Variants in ALK observed in about 807,000 individuals in gnomAD.
ALK encodes ALK tyrosine kinase receptor.
Under a neutral mutation model 163.1 loss-of-function variants are expected in ALK, and 74 were observed. The observed-to-expected ratio is 0.45, with a 90% confidence interval of 0.38 to 0.55. ALK has a LOEUF of 0.55. Ranked by LOEUF, ALK falls within the 20% of genes least tolerant of loss-of-function variation. The pLI, the probability that ALK is intolerant of heterozygous loss-of-function variation, is 0.00. For missense variants in ALK, 2,063 were observed against 2,105.3 expected, an observed-to-expected ratio of 0.98 and a Z score of 0.39; for synonymous variants, 960 against 843.2, an observed-to-expected ratio of 1.14 and a Z score of -2.40.
chr2:29,663,161 G>A (rs948459091), intron 3 of ALK, among the ~76,000 whole-genome samples: 7 of 152,022 alleles, frequency 4.6e-5, no homozygotes, highest in Admixed American at 6.6e-5. Flanking sequence ...ACTAAACCAC[G>A]GGCCTAATTT....
chr2:29,532,604 C>T (rs544335223), intron 3 of ALK, among the ~76,000 whole-genome samples: 2 of 152,282 alleles, frequency 1.3e-5, no homozygotes, highest in Admixed American at 6.5e-5. Context: ...GTCATGTGAA[C>T]TTGCAACTGG....
intron 3 of ALK, 108 bp from the exon 4 acceptor site, chr2:29,532,224 G>A: frequency 9.8e-7 from 1 of 1,021,612 alleles, no homozygotes; most frequent in Non-Finnish European, 1.5e-6. Flanking sequence ...AGATACTGGA[G>A]GCCATTATCT....
chr2:29,804,711 C>T (rs1200855221), intron 1 of ALK, among the ~76,000 whole-genome samples: 1 of 152,180 alleles, frequency 6.6e-6, no homozygotes, highest in Admixed American at 6.5e-5. Flanking sequence ...AAAGTATGCC[C>T]ACCCTCTCTG....
chr2:29,685,225 C>T (rs1224439881), intron 3 of ALK, among the ~76,000 whole-genome samples: 2 of 152,114 alleles, frequency 1.3e-5, no homozygotes, highest in East Asian at 1.9e-4. Flanking sequence ...CCTCCAACCA[C>T]CCTAGACAGG....
chr2:29,257,162 G>A (rs1430182636), intron 11 of ALK, among the ~76,000 whole-genome samples: 2 of 151,984 alleles, frequency 1.3e-5, no homozygotes, highest in Non-Finnish European at 1.5e-5. Context: ...CTGGGATGGG[G>A]GGCAGAGGAG....
chr2:29,222,645 C>T (rs771655921), intron 20 of ALK, 38 bp from the exon 21 acceptor site: 2 of 1,592,358 alleles, frequency 1.3e-6, no homozygotes, highest in Non-Finnish European at 1.7e-6. Context: ...CAGAGTCAAA[C>T]AGGCCACAAT....
chr2:29,523,766 AGAGT>A (rs1672877053), intron 4 of ALK, among the ~76,000 whole-genome samples: 1 of 151,546 alleles, frequency 6.6e-6, no homozygotes, highest in African/African-American at 2.4e-5. Flanking sequence ...CATCCAGGGC[AGAGT>A]GAGAAAGCAA....
chr2:29,857,140 T>G lies in ALK; in HGVS notation c.667+62853A>C, dbSNP rs546862330. 1.1e-3 allele frequency among the ~76,000 whole-genome samples: 167 copies of G among 152,338 alleles called. 1 individual carries two copies. Among genetic ancestry groups the G allele is most frequent in the Middle Eastern group, 6.8e-3 (2 of 294 alleles). On this transcript the variant is annotated intron_variant, in intron 1 of 28. Coordinates refer to ENST00000389048, the MANE Select transcript of ALK (RefSeq NM_004304.5). ...TATAAATAACCTAGATCATGAAATGTGCAGTACACTTTCAGATTTGGCAGG... is the reference window on the plus strand; with the variant it reads ...TATAAATAACCTAGATCATGAAATGGGCAGTACACTTTCAGATTTGGCAGG...
intron 6 of ALK, among the ~76,000 whole-genome samples, chr2:29,326,374 T>C (rs919604485): frequency 2.0e-5 from 3 of 152,336 alleles, no homozygotes; most frequent in East Asian, 1.9e-4. Flanking sequence ...ATTTTCCCAA[T>C]TGTCAATCAG....
At chr2:29,571,583 A>C (rs1401436101) in intron 3 of ALK, among the ~76,000 whole-genome samples, 6 of 122,024 alleles carry the variant, frequency 4.9e-5, no homozygotes, top group African/African-American at 1.9e-4. Flanking sequence ...TTTATAAATT[A>C]CCTAGTCTTG....
In ALK at chr2:29,474,951, A is replaced by C. The variant is rs567616484; in HGVS notation, c.1154+56964T>G. 2.6e-5 allele frequency among the ~76,000 whole-genome samples: 4 copies of C among 152,332 alleles called. No homozygotes were observed. In the South Asian group the frequency reaches 8.3e-4, roughly 32 times the overall value. Reference sequence around the variant, plus strand: ...CCACACCTGCTGCTGGTCAGGGCCCAGGCACTGGTGTTCACTTTGAAGAGA... The same window carrying C: ...CCACACCTGCTGCTGGTCAGGGCCCCGGCACTGGTGTTCACTTTGAAGAGA... On this transcript the variant is annotated intron_variant, in intron 4 of 28. Transcript: ENST00000389048.
chr2:29,357,546 T>C (rs371232290), intron 5 of ALK, among the ~76,000 whole-genome samples: 3 of 152,336 alleles, frequency 2.0e-5, no homozygotes, highest in South Asian at 4.1e-4. Flanking sequence ...GATGCCTTTG[T>C]TATTTAGGGT....
At chr2:29,474,132 A>T (rs1322116331) in intron 4 of ALK, among the ~76,000 whole-genome samples, 1 of 152,252 alleles carries the variant, frequency 6.6e-6, no homozygotes, top group African/African-American at 2.4e-5. Flanking sequence ...AATTCACTGG[A>T]TATATTGTGG....
chr2:29,628,489 G>A (rs778804626), intron 3 of ALK, among the ~76,000 whole-genome samples: 10 of 152,142 alleles, frequency 6.6e-5, no homozygotes, highest in Non-Finnish European at 1.5e-4. Context: ...CGAGCTGGAG[G>A]GACCATATGG....
chr2:29,220,912 A>T (rs749932597), intron 22 of ALK, 77 bp from the exon 23 acceptor site: 15 of 1,592,122 alleles, frequency 9.4e-6, no homozygotes, highest in Non-Finnish European at 1.3e-5. Flanking sequence ...GGAACAGGAT[A>T]CAAAGTTACA....
intron 9 of ALK, among the ~76,000 whole-genome samples, chr2:29,288,610 A>G (rs1042452859): frequency 3.3e-5 from 5 of 152,110 alleles, no homozygotes; most frequent in African/African-American, 1.2e-4. Flanking sequence ...AAATTTTTTG[A>G]CCATGAAAGC....
chr2:29,412,590 T>C (rs912843038), intron 4 of ALK, among the ~76,000 whole-genome samples: 5 of 152,172 alleles, frequency 3.3e-5, no homozygotes, highest in Admixed American at 2.0e-4. Flanking sequence ...AAATAATTTT[T>C]CCCCACAATC....
At chr2:29,542,352 TCC>T (rs1673435005) in intron 3 of ALK, among the ~76,000 whole-genome samples, 1 of 152,212 alleles carries the variant, frequency 6.6e-6, no homozygotes, top group South Asian at 2.1e-4. Flanking sequence ...GACACTGATT[TCC>T]TCTTTTAATT....
intron 5 of ALK, among the ~76,000 whole-genome samples, chr2:29,330,118 A>C (rs949955946): frequency 1.1e-4 from 16 of 152,138 alleles, no homozygotes; most frequent in Non-Finnish European, 2.1e-4. Context: ...CTCTGCAAAT[A>C]CTAGTAATGG....
Sources: gnomAD v4.1 joint callset for allele counts (sites outside exome capture counted in the v4.1 genomes callset) on GRCh38, gnomAD v4.1.1 for gene constraint, MANE v1.5 for transcripts, NCBI Gene and HGNC (gene_info 2026-07-23, HGNC 2026-07-21) for gene names.